SH3D19: variants seen among roughly 807,000 people sequenced by gnomAD.
SH3D19 encodes SH3 domain-containing protein 19.
Under a neutral mutation model 112.1 loss-of-function variants are expected in SH3D19, and 58 were observed. The ratio of observed to expected loss-of-function variants is 0.52; its 90% CI spans 0.42 to 0.64. SH3D19 has a LOEUF of 0.64. Ranked by LOEUF, SH3D19 falls within the 30% of genes least tolerant of loss-of-function variation. SH3D19 has a pLI of 0.00. For missense variants in SH3D19, 1,090 were observed against 1,263.4 expected, an observed-to-expected ratio of 0.86 and a Z score of 2.08; for synonymous variants, 391 against 448.5, an observed-to-expected ratio of 0.87 and a Z score of 1.62.
At chr4:151,237,284 AACCTTTTAAG>A (rs1358986698) in intron 1 of SH3D19, among the ~76,000 whole-genome samples, 1 of 152,214 alleles carries the variant, frequency 6.6e-6, no homozygotes, top group Non-Finnish European at 1.5e-5. Context: ...TAAGGTCACA[AACCTTTTAAG>A]ATCTTTTAAG....
At chr4:151,266,163 G>A (rs1016751154) in intron 1 of SH3D19, 3 of 152,154 alleles carry the variant, frequency 2.0e-5, no homozygotes, top group African/African-American at 7.2e-5. Flanking sequence ...AGATCGTACC[G>A]ATGAAAGTTT....
At chr4:151,257,255 T>C (rs149888689) in intron 1 of SH3D19, among the ~76,000 whole-genome samples, 2,952 of 152,132 alleles carry the variant, frequency 0.019, 93 homozygotes, top group African/African-American at 0.067. Flanking sequence ...GCCCGGCTAA[T>C]TTTTGTATTT....
At chr4:151,316,784 G>A (rs1371064219) in intron 1 of SH3D19, among the ~76,000 whole-genome samples, 3 of 152,162 alleles carry the variant, frequency 2.0e-5, no homozygotes, top group Non-Finnish European at 4.4e-5. Context: ...AACAGCTGCT[G>A]AGGAGCAAGG....
chr4:151,202,151 C>T (rs2407416), intron 2 of SH3D19, among the ~76,000 whole-genome samples: 43,766 of 151,904 alleles, frequency 0.29, 8,053 homozygotes, highest in Non-Finnish European at 0.41. Context: ...CTGGTTAACA[C>T]GGTGAAACCC....
At chr4:151,229,739 C>T (rs776635826) in intron 1 of SH3D19, among the ~76,000 whole-genome samples, 13 of 152,084 alleles carry the variant, frequency 8.5e-5, no homozygotes, top group Non-Finnish European at 1.5e-4. Flanking sequence ...ATGGCAAAAC[C>T]GCATCTCTAC....
At chr4:151,228,753 A>T (rs964462264) in intron 1 of SH3D19, among the ~76,000 whole-genome samples, 5 of 152,262 alleles carry the variant, frequency 3.3e-5, no homozygotes, top group African/African-American at 1.2e-4. Context: ...ACAGATCTAT[A>T]GCAAACATGG....
intron 1 of SH3D19, among the ~76,000 whole-genome samples, chr4:151,300,298 C>A (rs764153805): frequency 6.6e-6 from 1 of 151,922 alleles, no homozygotes; most frequent in Non-Finnish European, 1.5e-5. Flanking sequence ...TTGGACTATG[C>A]GTGATACTAT....
At position 151,187,947 on chromosome 4, in the gene SH3D19, G is replaced by A. The variant is rs116342189; in HGVS notation, c.153-484C>T. 2.2e-3 allele frequency among the ~76,000 whole-genome samples: 337 copies of A among 152,170 alleles called. 1 individual carries two copies. Among genetic ancestry groups the A allele is most frequent in the African/African-American group, 7.7e-3 (319 of 41,530 alleles). On this transcript the variant is annotated intron_variant, in intron 2 of 19. Coordinates refer to ENST00000604030, the MANE Select transcript of SH3D19 (RefSeq NM_001378122.1). ...CCACCTAAAAATAAAATAATCTTGT[G>A]AGACTTTCCCCTCTCCCTCCCAGAC...
chr4:151,138,686 TCACACACACA>T (rs1177218801), intron 13 of SH3D19, among the ~76,000 whole-genome samples: 1,021 of 54,134 alleles, frequency 0.019, 7 homozygotes, highest in African/African-American at 0.021. Flanking sequence ...AGATCTTGTC[TCACACACACA>T]CACACACACA....
rs372840351 is a variant in SH3D19, at chr4:151,236,208, G to A, written c.113-10122C>T. ...GGGCCCCTCTCTGGGGCTGGCCGAG[G>A]CCAGAGCCGGCTCCCTCAGCTCGTG... is the stretch of plus-strand genomic sequence containing the variant. On this transcript the variant is annotated intron_variant, in intron 1 of 19. Coordinates refer to ENST00000604030, the MANE Select transcript of SH3D19 (RefSeq NM_001378122.1). 3.9e-5 allele frequency among the ~76,000 whole-genome samples: 6 copies of A among 152,386 alleles called. No individual in the cohort carries two copies. In the East Asian group the frequency reaches 1.2e-3, roughly 29 times the overall value.
chr4:151,190,891 T>C (rs1454162090), intron 2 of SH3D19, among the ~76,000 whole-genome samples: 1 of 152,166 alleles, frequency 6.6e-6, no homozygotes, highest in Non-Finnish European at 1.5e-5. Context: ...CACTGACAGC[T>C]TGCACTGTGC....
intron 8 of SH3D19, among the ~76,000 whole-genome samples, chr4:151,164,949 C>A (rs1314187112): frequency 2.6e-5 from 4 of 152,116 alleles, no homozygotes; most frequent in African/African-American, 4.8e-5. Context: ...TCACACATAG[C>A]CATATTTGAG....
chr4:151,318,408 G>A (rs1157503911), intron 1 of SH3D19, among the ~76,000 whole-genome samples: 1 of 151,400 alleles, frequency 6.6e-6, no homozygotes, highest in Non-Finnish European at 1.5e-5. Flanking sequence ...ACCAAAGGAA[G>A]AACTAGCCTC....
intron 1 of SH3D19, among the ~76,000 whole-genome samples, chr4:151,265,726 AC>A (rs1462461137): frequency 2.0e-5 from 3 of 151,632 alleles, no homozygotes; most frequent in Non-Finnish European, 4.4e-5. Context: ...ACAAGTGTGC[AC>A]CACCACACCC....
chr4:151,166,664 AT>A (rs1297511467), intron 7 of SH3D19, among the ~76,000 whole-genome samples: 3 of 152,152 alleles, frequency 2.0e-5, no homozygotes, highest in African/African-American at 7.2e-5. Flanking sequence ...TGTTCTATGT[AT>A]CTTGCCTGCG....
intron 2 of SH3D19, among the ~76,000 whole-genome samples, chr4:151,216,037 G>C (rs1767031227): frequency 6.6e-6 from 1 of 152,134 alleles, no homozygotes; most frequent in Admixed American, 6.6e-5. Flanking sequence ...CACCATGCTG[G>C]TCAGGCTGGT....
At chr4:151,133,578 T>C (rs887867507) in intron 15 of SH3D19, among the ~76,000 whole-genome samples, 2 of 152,150 alleles carry the variant, frequency 1.3e-5, no homozygotes, top group South Asian at 2.1e-4. Flanking sequence ...CTTCCAATCA[T>C]AAATGCACTG....
chr4:151,312,269 G>A (rs1729532548), intron 1 of SH3D19, among the ~76,000 whole-genome samples: 1 of 152,114 alleles, frequency 6.6e-6, no homozygotes, highest in African/African-American at 2.4e-5. Context: ...ATCACAACAT[G>A]AATTACTTAA....
At chr4:151,213,077 G>A (rs1169426098) in intron 2 of SH3D19, among the ~76,000 whole-genome samples, 1 of 152,236 alleles carries the variant, frequency 6.6e-6, no homozygotes, top group Non-Finnish European at 1.5e-5. Context: ...TGTATCTGAT[G>A]ATAAAGCTTC....
Sources: gnomAD v4.1 joint callset for allele counts (sites outside exome capture counted in the v4.1 genomes callset) on GRCh38, gnomAD v4.1.1 for gene constraint, MANE v1.5 for transcripts, NCBI Gene and HGNC (gene_info 2026-07-23, HGNC 2026-07-21) for gene names.